TM2D3: variants seen among roughly 807,000 people sequenced by gnomAD.
The protein encoded by TM2D3 is TM2 domain-containing protein 3.
A neutral mutation model predicts 27.3 loss-of-function variants in TM2D3; 33 were observed. That is an observed-to-expected ratio of 1.21 (90% CI 0.92 to 1.61). The LOEUF (loss-of-function observed/expected upper bound fraction) is 1.61. Ranked by LOEUF, TM2D3 falls within the 40% of genes most tolerant of loss-of-function variation. The probability of loss-of-function intolerance (pLI) is 0.00; values close to 1 mark genes in which losing one functional copy is unlikely to be tolerated. For missense variants in TM2D3, 364 were observed against 320.8 expected (o/e 1.13, Z -1.03); for synonymous variants, 138 against 122.2 (o/e 1.13, Z -0.85).
intron 2 of TM2D3, 168 bp downstream of exon 2, chr15:101,651,528 A>G: frequency 1.6e-6 from 1 of 624,350 alleles, no homozygotes. Context: ...TACGAAGACT[A>G]TCTACTGAAA....
intron 5 of TM2D3, among the ~76,000 whole-genome samples, chr15:101,643,341 G>A (rs933809518): frequency 6.6e-6 from 1 of 152,052 alleles, no homozygotes; most frequent in Admixed American, 6.6e-5. Context: ...GGTGGCTCAC[G>A]CCTGTCATCC....
intron 4 of TM2D3, 95 bp downstream of exon 4, chr15:101,646,630 T>C (rs781652126): frequency 7.3e-7 from 1 of 1,361,440 alleles, no homozygotes; most frequent in Non-Finnish European, 1.0e-6. Flanking sequence ...ATGTTTCTAA[T>C]TAAGTAACTT....
chr15:101,639,467 C>T (rs548745997), downstream of TM2D3, among the ~76,000 whole-genome samples: 1 of 151,642 alleles, frequency 6.6e-6, no homozygotes, highest in South Asian at 2.1e-4. Flanking sequence ...GAAGCTGCAT[C>T]AGGTACAGCT....
At chr15:101,648,352 A>T (rs1468929775) in intron 3 of TM2D3, 1 of 152,212 alleles carries the variant, frequency 6.6e-6, no homozygotes, top group East Asian at 1.9e-4. Flanking sequence ...CTTTTTATGG[A>T]AAACATTCAA....
exon 5 of TM2D3, chr15:101,633,553 C>T (rs1178925372): frequency 1.3e-6 from 1 of 754,538 alleles, no homozygotes; most frequent in African/African-American, 1.8e-5. Context: ...TCCTATCAGA[C>T]CATCTTTCTT....
At chr15:101,651,424 T>A (rs192963548) in intron 2 of TM2D3, 1 of 402,978 alleles carries the variant, frequency 2.5e-6, no homozygotes. Context: ...TGAAGGTTAT[T>A]TTGATGGATG....
Position 101,646,754 on chromosome 15 carries a change from C to CA in TM2D3, c.472dup (p.Cys158LeufsTer12). The CA allele has an allele frequency of 1.9e-6, 3 of 1,614,188 alleles. No individual in the cohort carries two copies. The highest frequency in any genetic ancestry group is 2.5e-6 in the Non-Finnish European group (3 of 1,180,022). On this transcript the variant is annotated frameshift_variant, in exon 4 of 6. Coordinates refer to ENST00000333202, the MANE Select transcript of TM2D3 (RefSeq NM_078474.3). LOFTEE classifies it high-confidence loss of function. ...GCAGTGGACGTGGTCCCGCACCGTGCAGTTGGCAGGGTAGCGCTGCCGAGG... is the reference window on the plus strand; with the variant it reads ...GCAGTGGACGTGGTCCCGCACCGTGCAAGTTGGCAGGGTAGCGCTGCCGAGG...
At chr15:101,649,910 T>C in intron 3 of TM2D3, 94 bp downstream of exon 3, 2 of 1,224,602 alleles carry the variant, frequency 1.6e-6, no homozygotes, top group African/African-American at 1.6e-5. Context: ...ATAAAAATTC[T>C]TCAGAATTTC....
chr15:101,644,523 T>C (rs1896754915), intron 5 of TM2D3, among the ~76,000 whole-genome samples: 1 of 152,140 alleles, frequency 6.6e-6, no homozygotes, highest in Admixed American at 6.5e-5. Context: ...AACTCAAAAC[T>C]TCAAGTGTAG....
chr15:101,645,373 T>G lies in TM2D3; in HGVS notation c.503-211A>C, dbSNP rs116451965. On this transcript the variant is annotated intron_variant, in intron 4 of 5. Coordinates refer to ENST00000333202, the MANE Select transcript of TM2D3 (RefSeq NM_078474.3). ...AGTTAGGATTACAACGTGAGGAACA[T>G]GAAATGCTCACCCACATATCAAGAC... 1,073 of 568,808 alleles carry G rather than the reference T, an allele frequency of 1.9e-3. 12 individuals carry two copies. Among genetic ancestry groups the G allele is most frequent in the African/African-American group, 0.018 (980 of 53,056 alleles). The allele number at this position is 568,808 out of a possible 1,614,324, so 35.2% of individuals were successfully genotyped here. A position where few individuals can be genotyped will look rare whatever the true frequency, so the allele number is the denominator to read the frequency against.
chr15:101,649,206 G>A (rs1896902948), intron 3 of TM2D3, among the ~76,000 whole-genome samples: 1 of 152,016 alleles, frequency 6.6e-6, no homozygotes, highest in Non-Finnish European at 1.5e-5. Context: ...TTCCGTGTGG[G>A]TTTTAGGAAG....
chr15:101,642,901 A>C (rs1465793599), intron 5 of TM2D3, among the ~76,000 whole-genome samples: 1 of 152,176 alleles, frequency 6.6e-6, no homozygotes, highest in East Asian at 1.9e-4. Flanking sequence ...TAAAGTTATC[A>C]ATCTCATTGC....
downstream of TM2D3, among the ~76,000 whole-genome samples, chr15:101,641,181 A>T (rs1196764077): frequency 6.6e-6 from 1 of 152,196 alleles, no homozygotes; most frequent in Non-Finnish European, 1.5e-5. Flanking sequence ...CGGATACAAA[A>T]AGTGTGTCTT....
downstream of TM2D3, among the ~76,000 whole-genome samples, chr15:101,637,423 G>C (rs1473182346): frequency 1.3e-5 from 2 of 152,194 alleles, no homozygotes; most frequent in Admixed American, 6.5e-5. Flanking sequence ...ATTTTTCCAA[G>C]AGACAGCTAT....
chr15:101,646,374 A>G, intron 4 of TM2D3: 1 of 107,832 alleles, frequency 9.3e-6, no homozygotes, highest in Non-Finnish European at 2.4e-5. Flanking sequence ...GTTACCTTGG[A>G]AGAGGAGGAA....
chr15:101,637,711 C>G (rs1055271473), downstream of TM2D3, among the ~76,000 whole-genome samples: 3 of 152,192 alleles, frequency 2.0e-5, no homozygotes, highest in African/African-American at 7.2e-5. Context: ...TCCCAAGTAG[C>G]TGGGACCACA....
At chr15:101,648,456 CACTT>C (rs1567313422) in intron 3 of TM2D3, 2 of 152,150 alleles carry the variant, frequency 1.3e-5, no homozygotes. Context: ...GCTTAAAACA[CACTT>C]TTTTTAATGG....
chr15:101,646,581 T>C lies in TM2D3; in HGVS notation c.502+144A>G, dbSNP rs1390478327. The C allele has an allele frequency of 1.0e-5, 8 of 801,734 alleles. No homozygotes were observed. The Admixed American group carries it at 1.8e-4, about 18-fold the overall frequency. The allele number at this position is 801,734 out of a possible 1,614,324, so 49.7% of individuals were successfully genotyped here. ...ATGCTTTACTTTAGTACGTTGAGTT[T>C]ATTGATGATGCTTGGCACATCTAAA... On this transcript the variant is annotated intron_variant, in intron 4 of 5. Coordinates refer to ENST00000333202, the MANE Select transcript of TM2D3 (RefSeq NM_078474.3).
At chr15:101,647,019 G>T in intron 3 of TM2D3, 120 bp from the exon 4 acceptor site, 1 of 987,448 alleles carries the variant, frequency 1.0e-6, no homozygotes, top group Non-Finnish European at 1.5e-6. Context: ...GGACCTAGGA[G>T]TAAGTGCCAG....
Sources: gnomAD v4.1 joint callset for allele counts (sites outside exome capture counted in the v4.1 genomes callset) on GRCh38, gnomAD v4.1.1 for gene constraint, MANE v1.5 for transcripts, NCBI Gene and HGNC (gene_info 2026-07-23, HGNC 2026-07-21) for gene names.